Variants in MTCH2 observed in about 807,000 individuals in gnomAD.
MTCH2 encodes mitochondrial carrier homolog 2.
A neutral mutation model predicts 50.6 loss-of-function variants in MTCH2; 25 were observed. The ratio of observed to expected loss-of-function variants is 0.49; its 90% CI spans 0.36 to 0.69. The LOEUF (loss-of-function observed/expected upper bound fraction) is 0.69, where lower values mean the gene tolerates loss of function less well. MTCH2 is among the 30% of genes least tolerant of loss of function. The pLI, the probability that MTCH2 is intolerant of heterozygous loss-of-function variation, is 0.00. For synonymous variants in MTCH2, 106 were observed against 132.0 expected, an observed-to-expected ratio of 0.80 and a Z score of 1.35; for missense variants, 273 against 384.4, an observed-to-expected ratio of 0.71 and a Z score of 2.42.
At chr11:47,630,690 C>T in intron 7 of MTCH2, 76 bp from the exon 8 acceptor site, 2 of 1,375,134 alleles carry the variant, frequency 1.5e-6, no homozygotes, top group East Asian at 2.3e-5. Context: ...TCAATTATCA[C>T]ATTGGACAAG....
chr11:47,636,039 A>C (rs1003064127), intron 3 of MTCH2, among the ~76,000 whole-genome samples: 4 of 151,854 alleles, frequency 2.6e-5, no homozygotes, highest in African/African-American at 7.3e-5. Flanking sequence ...GGGGCAGGAG[A>C]ATCACTTGAA....
intron 6 of MTCH2, 44 bp from the exon 7 acceptor site, chr11:47,631,131 A>T: frequency 6.5e-7 from 1 of 1,544,204 alleles, no homozygotes; most frequent in Non-Finnish European, 8.9e-7. Context: ...TGTTAAGGCC[A>T]GGTGCGGTGG....
chr11:47,633,872 GATA>G lies in MTCH2; in HGVS notation c.369+797_369+799del, dbSNP rs2097306026. Among the ~76,000 whole-genome samples, 4 of 151,956 alleles carry G rather than the reference GATA, an allele frequency of 2.6e-5. No homozygotes were observed. In the South Asian group the frequency reaches 8.3e-4, roughly 32 times the overall value. ...GTATTTTGGATGGCTGCATTTCCTG[GATA>G]ATTGTGACTTCATTAATGACAATTA... On this transcript the variant is annotated intron_variant, in intron 5 of 12. Coordinates refer to ENST00000302503, the MANE Select transcript of MTCH2 (RefSeq NM_014342.4).
intron 6 of MTCH2, 41 bp downstream of exon 6, chr11:47,631,613 C>G: frequency 6.2e-7 from 1 of 1,600,818 alleles, no homozygotes; most frequent in Non-Finnish European, 8.6e-7. Context: ...CAGGAGAGAT[C>G]AGGTTATAAA....
chr11:47,609,081 G>A, the MTCH2 span, among the ~76,000 whole-genome samples: 2 of 126,538 alleles, frequency 1.6e-5, no homozygotes, highest in African/African-American at 3.0e-5. Context: ...CTGAGATCAC[G>A]CCATTGCACT....
At chr11:47,623,761 A>C (rs1004628607) in intron 11 of MTCH2, among the ~76,000 whole-genome samples, 1 of 152,224 alleles carries the variant, frequency 6.6e-6, no homozygotes, top group Non-Finnish European at 1.5e-5. Context: ...AATTAAACAA[A>C]AAAGGCAAGG....
chr11:47,636,654 C>G (rs975122088), intron 3 of MTCH2, among the ~76,000 whole-genome samples: 4 of 151,928 alleles, frequency 2.6e-5, no homozygotes, highest in Non-Finnish European at 5.9e-5. Context: ...ATTGCTTGAA[C>G]CCGGTAGGTG....
chr11:47,634,577 G>C lies in MTCH2; in HGVS notation c.369+95C>G. 1 of 923,336 alleles carries C rather than the reference G, an allele frequency of 1.1e-6. No homozygotes were observed. The highest frequency in any genetic ancestry group is 2.5e-5 in the East Asian group (1 of 39,624). The allele number at this position is 923,336 out of a possible 1,614,324, so 57.2% of individuals were successfully genotyped here. ...GAAGGTTTAATTTCATTTGGGAACA[G>C]ACACTGAACACACAGGCCTGATGAT... On this transcript the variant is annotated intron_variant, in intron 5 of 12. Transcript: ENST00000302503.
intron 3 of MTCH2, 61 bp from the exon 4 acceptor site, chr11:47,635,632 AAAATG>A: frequency 6.6e-7 from 1 of 1,512,794 alleles, no homozygotes; most frequent in Non-Finnish European, 9.0e-7. Flanking sequence ...AAGAAGACAT[AAAATG>A]AAAACTCTAC....
intron 11 of MTCH2, among the ~76,000 whole-genome samples, chr11:47,623,276 G>A (rs1342640640): frequency 6.6e-6 from 1 of 151,596 alleles, no homozygotes; most frequent in Non-Finnish European, 1.5e-5. Flanking sequence ...GGAGGCTAAG[G>A]CATGTGAATT....
At chr11:47,614,204 G>GA (rs928365778), downstream of MTCH2, among the ~76,000 whole-genome samples, 77 of 145,286 alleles carry the variant, frequency 5.3e-4, no homozygotes, top group East Asian at 1.8e-3. Flanking sequence ...AATTATTAAG[G>GA]AAAAAAAAAA....
chr11:47,622,878 T>C (rs754285502), intron 11 of MTCH2, 102 bp from the exon 12 acceptor site: 16 of 712,830 alleles, frequency 2.2e-5, no homozygotes, highest in Non-Finnish European at 3.4e-5. Flanking sequence ...GAAGATTCCC[T>C]GAGAGATCAT....
At chr11:47,606,077 A>C in the MTCH2 span, among the ~76,000 whole-genome samples, 1 of 152,138 alleles carries the variant, frequency 6.6e-6, no homozygotes, top group African/African-American at 2.4e-5. Context: ...CAGCTTTCAT[A>C]GCCACATTGG....
intron 8 of MTCH2, chr11:47,629,343 T>C (rs974792378): frequency 3.0e-6 from 1 of 338,508 alleles, no homozygotes; most frequent in African/African-American, 2.1e-5. Flanking sequence ...ATTTGCGAGG[T>C]GCTTTGCAGA....
chr11:47,628,507 T>C (rs929352855), intron 9 of MTCH2, among the ~76,000 whole-genome samples: 7 of 152,222 alleles, frequency 4.6e-5, no homozygotes, highest in African/African-American at 7.2e-5. Flanking sequence ...ATTTGAAAAT[T>C]TGACTGATAA....
the MTCH2 span, among the ~76,000 whole-genome samples, chr11:47,606,949 C>T: frequency 3.3e-5 from 5 of 152,224 alleles, no homozygotes; most frequent in African/African-American, 4.8e-5. Context: ...TCTCAGAGCA[C>T]GTCAGGCAGT....
chr11:47,634,973 G>A (rs1230156853), intron 4 of MTCH2, among the ~76,000 whole-genome samples: 2 of 151,810 alleles, frequency 1.3e-5, no homozygotes, highest in African/African-American at 4.8e-5. Context: ...GGGTTTCACC[G>A]TGTTAGCCAG....
At chr11:47,635,601 G>A (rs1565974485) in intron 3 of MTCH2, 30 bp from the exon 4 acceptor site, 1 of 1,594,120 alleles carries the variant, frequency 6.3e-7, no homozygotes. Flanking sequence ...GGATGATTAG[G>A]GTTATTACAG....
chr11:47,614,216 C>A (rs1361120331), downstream of MTCH2, among the ~76,000 whole-genome samples: 2 of 151,826 alleles, frequency 1.3e-5, no homozygotes, highest in East Asian at 3.9e-4. Flanking sequence ...AAAAAAAAAA[C>A]CTTGGAATTT....
Sources: gnomAD v4.1 joint callset for allele counts (sites outside exome capture counted in the v4.1 genomes callset) on GRCh38, gnomAD v4.1.1 for gene constraint, MANE v1.5 for transcripts, NCBI Gene and HGNC (gene_info 2026-07-23, HGNC 2026-07-21) for gene names.